PRH1: variants seen among roughly 807,000 people sequenced by gnomAD.
PRH1 encodes salivary acidic proline-rich phosphoprotein 1/2.
In PRH1, 7 loss-of-function variants were observed where a neutral mutation model predicts 7.9. The ratio of observed to expected loss-of-function variants is 0.89; its 90% CI spans 0.50 to 1.67. PRH1 has a LOEUF of 1.67. PRH1 is among the 40% of genes most tolerant of loss of function. The probability of loss-of-function intolerance (pLI) is 0.00; values close to 1 mark genes in which losing one functional copy is unlikely to be tolerated. For missense variants in PRH1, 109 were observed against 223.6 expected, an observed-to-expected ratio of 0.49 and a Z score of 3.27; for synonymous variants, 45 against 80.8, an observed-to-expected ratio of 0.56 and a Z score of 2.38.
intron 2 of PRH1, among the ~76,000 whole-genome samples, chr12:10,968,439 T>A (rs575807016): frequency 6.6e-6 from 1 of 152,334 alleles, no homozygotes; most frequent in South Asian, 2.1e-4. Flanking sequence ...TAGATAGAGA[T>A]GATGATGATA....
At chr12:11,046,015 G>A (rs1229567405) in intron 1 of PRH1, among the ~76,000 whole-genome samples, 3 of 152,132 alleles carry the variant, frequency 2.0e-5, no homozygotes, top group African/African-American at 7.2e-5. Context: ...TATGACTATA[G>A]AAAGTTGTAA....
chr12:10,940,200 T>G (rs1052401075), intron 2 of PRH1, among the ~76,000 whole-genome samples: 1 of 152,148 alleles, frequency 6.6e-6, no homozygotes, highest in Non-Finnish European at 1.5e-5. Context: ...TACAAGTACA[T>G]GCCCAGCAAA....
At chr12:10,953,557 A>G (rs1385660576) in intron 2 of PRH1, among the ~76,000 whole-genome samples, 1 of 152,212 alleles carries the variant, frequency 6.6e-6, no homozygotes, top group East Asian at 1.9e-4. Context: ...TCAGGCAAAA[A>G]TAAAGAAAAA....
At chr12:11,040,903 T>C (rs969024553) in intron 1 of PRH1, among the ~76,000 whole-genome samples, 1 of 152,086 alleles carries the variant, frequency 6.6e-6, no homozygotes, top group African/African-American at 2.4e-5. Flanking sequence ...GGTTAGAAGA[T>C]AGCATTTGCA....
intron 2 of PRH1, among the ~76,000 whole-genome samples, chr12:10,968,453 A>C (rs1020199652): frequency 6.6e-6 from 1 of 152,248 alleles, no homozygotes; most frequent in Non-Finnish European, 1.5e-5. Context: ...GATGATAGCT[A>C]CAAGGTAGAC....
chr12:11,047,638 T>C (rs991948582), upstream of PRH1, among the ~76,000 whole-genome samples: 1 of 152,140 alleles, frequency 6.6e-6, no homozygotes, highest in Non-Finnish European at 1.5e-5. Flanking sequence ...ATTATAGAAA[T>C]GATTTTTTTC....
intron 1 of PRH1, among the ~76,000 whole-genome samples, chr12:11,093,272 T>G (rs1944985112): frequency 8.6e-6 from 1 of 116,094 alleles, no homozygotes; most frequent in African/African-American, 2.9e-5. Context: ...CTAACTGCTT[T>G]TATCAAAGGC....
chr12:11,122,578 T>G (rs1945945699), intron 1 of PRH1, among the ~76,000 whole-genome samples: 1 of 152,268 alleles, frequency 6.6e-6, no homozygotes, highest in African/African-American at 2.4e-5. Context: ...AAGTCAATAA[T>G]TAAACCTAAA....
chr12:10,889,344 TC>T (rs1037578114), intron 2 of PRH1, among the ~76,000 whole-genome samples: 7 of 152,232 alleles, frequency 4.6e-5, no homozygotes, highest in Non-Finnish European at 7.3e-5. Context: ...TGTGCTCCTT[TC>T]TACTGTTATT....
intron 1 of PRH1, chr12:11,133,255 AT>A (rs1565687861): frequency 8.4e-6 from 13 of 1,556,618 alleles, no homozygotes; most frequent in Middle Eastern, 1.7e-4. Context: ...GAAATATAAA[AT>A]GTTTCATACA....
chr12:11,045,311 G>A (rs1942863956), intron 1 of PRH1, among the ~76,000 whole-genome samples: 1 of 93,690 alleles, frequency 1.1e-5, no homozygotes, highest in Non-Finnish European at 2.4e-5. Flanking sequence ...GCTGGTTAAT[G>A]GTTACCAAAA....
intron 1 of PRH1, chr12:11,134,346 G>A: frequency 3.3e-6 from 4 of 1,220,602 alleles, no homozygotes; most frequent in Non-Finnish European, 4.5e-6. Flanking sequence ...CCTGATTTGT[G>A]TATGTGCTGT....
chr12:11,048,733 G>T, upstream of PRH1: 1 of 387,550 alleles, frequency 2.6e-6, no homozygotes, highest in South Asian at 3.6e-5. Flanking sequence ...AGTCAAGTTT[G>T]AAAGCTGTAT....
At chr12:11,084,176 C>A (rs77068457) in intron 1 of PRH1, among the ~76,000 whole-genome samples, 37,223 of 86,684 alleles carry the variant, frequency 0.43, 4,021 homozygotes, top group Non-Finnish European at 0.52. Context: ...CTCCTTTGTT[C>A]CGTGGGCTCT....
At chr12:11,104,453 T>TGTGA (rs10700124) in intron 1 of PRH1, among the ~76,000 whole-genome samples, 138,841 of 143,868 alleles carry the variant, frequency 0.97, 67,020 homozygotes, top group Non-Finnish European at 0.99. Flanking sequence ...CTCTCACATC[T>TGTGA]GTATTATTAT....
At chr12:11,050,516 T>C (rs1034852823), upstream of PRH1, among the ~76,000 whole-genome samples, 3 of 152,236 alleles carry the variant, frequency 2.0e-5, no homozygotes, top group African/African-American at 4.8e-5. Context: ...GTCACAGTGC[T>C]GCAGAGATTT....
intron 2 of PRH1, chr12:10,964,668 G>A: frequency 1.7e-6 from 1 of 592,266 alleles, no homozygotes; most frequent in South Asian, 1.9e-5. Flanking sequence ...GTCACCGTTT[G>A]CAAAGCTTTT....
intron 1 of PRH1, among the ~76,000 whole-genome samples, chr12:11,100,924 T>C (rs1945221857): frequency 6.6e-6 from 1 of 152,206 alleles, no homozygotes; most frequent in Admixed American, 6.5e-5. Context: ...GAAATTAGAA[T>C]GCTAACAATG....
chr12:11,002,392 A>AT (rs959522000), intron 1 of PRH1, among the ~76,000 whole-genome samples: 2 of 152,088 alleles, frequency 1.3e-5, no homozygotes, highest in African/African-American at 4.8e-5. Flanking sequence ...ACAGTATTTC[A>AT]TTAAGAATAA....
Sources: gnomAD v4.1 joint callset for allele counts (sites outside exome capture counted in the v4.1 genomes callset) on GRCh38, gnomAD v4.1.1 for gene constraint, MANE v1.5 for transcripts, NCBI Gene and HGNC (gene_info 2026-07-23, HGNC 2026-07-21) for gene names.